The following NXPH1 variants were observed in gnomAD, a reference collection of about 807,000 sequenced individuals.
NXPH1 encodes the protein neurexophilin-1.
NXPH1 carries 5 observed loss-of-function variants against 23.7 expected under a neutral mutation model. The ratio of observed to expected loss-of-function variants is 0.21; its 90% CI spans 0.11 to 0.44. The LOEUF is 0.44. Among genes scored for constraint, NXPH1 ranks in the 20% least tolerant of loss-of-function variants. NXPH1 has a pLI of 0.99. For synonymous variants in NXPH1, 144 were observed against 122.2 expected, an observed-to-expected ratio of 1.18 and a Z score of -1.18; for missense variants, 324 against 321.6, an observed-to-expected ratio of 1.01 and a Z score of -0.06.
intron 2 of NXPH1, among the ~76,000 whole-genome samples, chr7:8,707,644 T>A (rs1367686208): frequency 6.6e-6 from 1 of 152,006 alleles, no homozygotes; most frequent in Non-Finnish European, 1.5e-5. Flanking sequence ...GTAGGTCAGT[T>A]TGAATAATGA....
chr7:8,611,943 T>C (rs1203763954), intron 2 of NXPH1, among the ~76,000 whole-genome samples: 1 of 152,080 alleles, frequency 6.6e-6, no homozygotes, highest in African/African-American at 2.4e-5. Context: ...CCAGCGTGCA[T>C]GTAACACTAG....
At chr7:8,536,753 T>G (rs55892022) in intron 2 of NXPH1, among the ~76,000 whole-genome samples, 41,300 of 151,852 alleles carry the variant, frequency 0.27, 6,875 homozygotes, top group Admixed American at 0.41. Context: ...GAGAATATGG[T>G]GGCTTAGAGT....
At chr7:8,551,719 A>G (rs1020436135) in intron 2 of NXPH1, among the ~76,000 whole-genome samples, 1 of 151,490 alleles carries the variant, frequency 6.6e-6, no homozygotes, top group African/African-American at 2.4e-5. Flanking sequence ...CTTATTTACT[A>G]CTGTAACTGC....
intron 2 of NXPH1, among the ~76,000 whole-genome samples, chr7:8,694,859 G>C (rs1821280382): frequency 6.6e-6 from 1 of 152,150 alleles, no homozygotes; most frequent in Non-Finnish European, 1.5e-5. Flanking sequence ...TGAGAAGAGA[G>C]TAAAAAATAA....
intron 2 of NXPH1, among the ~76,000 whole-genome samples, chr7:8,493,983 TAAG>T (rs976858110): frequency 4.6e-5 from 7 of 152,154 alleles, no homozygotes; most frequent in African/African-American, 7.2e-5. Context: ...AGGGTAAGCT[TAAG>T]AAGAAGTTAG....
rs142372049 is a variant in NXPH1 at position 8,667,902 on chromosome 7, G to A, written c.55-83106G>A. Among the ~76,000 whole-genome samples, 868 of 151,248 alleles carry A rather than the reference G, an allele frequency of 5.7e-3. 9 individuals are homozygous for A. Among genetic ancestry groups the A allele is most frequent in the African/African-American group, 0.02 (814 of 41,230 alleles). ...CTCTTTTCTTTTTTCTCCTCTGATT[G>A]TATATTTTAAAATAAACTGTTTTCG... On this transcript the variant is annotated intron_variant, in intron 2 of 2. Coordinates refer to ENST00000405863, the MANE Select transcript of NXPH1 (RefSeq NM_152745.3).
chr7:8,743,932 C>T (rs1203366888), intron 2 of NXPH1, among the ~76,000 whole-genome samples: 1 of 152,130 alleles, frequency 6.6e-6, no homozygotes, highest in Non-Finnish European at 1.5e-5. Flanking sequence ...GATCCGCCCG[C>T]CTCGGCCTCC....
chr7:8,680,706 G>A (rs1333836125), intron 2 of NXPH1, among the ~76,000 whole-genome samples: 1 of 152,202 alleles, frequency 6.6e-6, no homozygotes, highest in African/African-American at 2.4e-5. Flanking sequence ...TCAAAGGAAT[G>A]AATTCATGTA....
chr7:8,439,701 C>T (rs1239621921), intron 2 of NXPH1, among the ~76,000 whole-genome samples: 1 of 152,120 alleles, frequency 6.6e-6, no homozygotes. Flanking sequence ...AATTCTACAC[C>T]AATTGTTTAA....
chr7:8,681,060 A>T (rs775074277), intron 2 of NXPH1, among the ~76,000 whole-genome samples: 1 of 152,192 alleles, frequency 6.6e-6, no homozygotes, highest in Non-Finnish European at 1.5e-5. Flanking sequence ...AGCCAGCGCT[A>T]ATGTCCGGTA....
chr7:8,598,672 G>C (rs929894226), intron 2 of NXPH1, among the ~76,000 whole-genome samples: 1 of 152,126 alleles, frequency 6.6e-6, no homozygotes, highest in Non-Finnish European at 1.5e-5. Flanking sequence ...GTATTTTTCT[G>C]TTTGCAGTTT....
At chr7:8,688,828 A>G (rs1356408740) in intron 2 of NXPH1, among the ~76,000 whole-genome samples, 1 of 152,216 alleles carries the variant, frequency 6.6e-6, no homozygotes, top group Non-Finnish European at 1.5e-5. Context: ...TCAATTTATC[A>G]GAAAGTAATT....
intron 2 of NXPH1, among the ~76,000 whole-genome samples, chr7:8,736,284 C>G (rs565980227): frequency 2.0e-5 from 3 of 152,264 alleles, no homozygotes; most frequent in South Asian, 4.2e-4. Context: ...AAATTTCCCT[C>G]TAAACACTGC....
At chr7:8,636,578 C>A (rs1820221865) in intron 2 of NXPH1, among the ~76,000 whole-genome samples, 1 of 152,132 alleles carries the variant, frequency 6.6e-6, no homozygotes, top group Non-Finnish European at 1.5e-5. Context: ...CAGTGGAATG[C>A]CAATTCCAGT....
In NXPH1 at chr7:8,442,780, C is replaced by T. The variant is rs1374093353; in HGVS notation, c.54+7013C>T. ...CAGGTTTATGGAAACACAGATGCAG[C>T]CCTCTCGCGTCCGGAGCCCAAGTCC... On this transcript the variant is annotated intron_variant, in intron 2 of 2. Coordinates refer to ENST00000405863, the MANE Select transcript of NXPH1 (RefSeq NM_152745.3). This position sits in a 1 kb window ranked among gnomAD's most constrained non-coding sequence, Gnocchi z 4.6. 6.6e-6 allele frequency among the ~76,000 whole-genome samples: 1 copy of T among 152,232 alleles called. No individual in the cohort carries two copies. The highest frequency in any genetic ancestry group is 1.5e-5 in the Non-Finnish European group (1 of 68,042).
intron 2 of NXPH1, among the ~76,000 whole-genome samples, chr7:8,477,261 T>C (rs570781163): frequency 6.6e-6 from 1 of 152,162 alleles, no homozygotes. Context: ...AAGACTGATA[T>C]GCTTGTATAC....
chr7:8,641,381 T>G (rs919036836), intron 2 of NXPH1, among the ~76,000 whole-genome samples: 5 of 152,118 alleles, frequency 3.3e-5, no homozygotes, highest in Non-Finnish European at 7.4e-5. Context: ...GATGACAAAT[T>G]GTTATTTTTA....
At chr7:8,657,832 A>G (rs1266964518) in intron 2 of NXPH1, among the ~76,000 whole-genome samples, 1 of 152,210 alleles carries the variant, frequency 6.6e-6, no homozygotes, top group African/African-American at 2.4e-5. Flanking sequence ...GTTCAAGACC[A>G]GCCTGGCCAG....
At position 8,751,435 on chromosome 7, in the gene NXPH1, G is replaced by T. The variant is rs1162993991; in HGVS notation, c.482G>T (p.Gly161Val). 1 of 1,613,788 alleles carries T rather than the reference G, an allele frequency of 6.2e-7. No individual in the cohort carries two copies. Among genetic ancestry groups the T allele is most frequent in the Admixed American group, 1.7e-5 (1 of 59,914 alleles). The change falls in exon 3 of 3, where the codon GGG becomes GTG. Residue 161 changes from glycine to valine, a missense_variant. By Grantham distance (109) the Gly-to-Val change is moderately radical (BLOSUM62 -3). Transcript: ENST00000405863. This position sits in a 1 kb window ranked among gnomAD's most constrained non-coding sequence, Gnocchi z 4.5. ...VYFRHNSTGQGNVSVSLVPPT... is the reference protein window; with the variant it reads ...VYFRHNSTGQVNVSVSLVPPT... ...TTCAGGCATAATTCAACTGGTCAAG[G>T]GAATGTATCTGTCAGCTTGGTACCC...
Sources: gnomAD v4.1 joint callset for allele counts (sites outside exome capture counted in the v4.1 genomes callset) on GRCh38, gnomAD v4.1.1 for gene constraint, Gnocchi (gnomAD v3.1) non-coding constraint, MANE v1.5 for transcripts, NCBI Gene and HGNC (gene_info 2026-07-23, HGNC 2026-07-21) for gene names.